The following BRSK2 variants were observed in gnomAD, a reference collection of about 807,000 sequenced individuals.
BRSK2 encodes the protein serine/threonine-protein kinase BRSK2.
In BRSK2, 19 loss-of-function variants were observed where a neutral mutation model predicts 83.3. The ratio of observed to expected loss-of-function variants is 0.23; its 90% confidence interval spans 0.16 to 0.33. The LOEUF (loss-of-function observed/expected upper bound fraction) is 0.33. Among genes scored for constraint, BRSK2 ranks in the 10% least tolerant of loss-of-function variants. BRSK2 has a pLI of 1.00. For missense variants in BRSK2, 798 were observed against 1,042.3 expected, an observed-to-expected ratio of 0.77 and a Z score of 3.23; for synonymous variants, 519 against 435.4, an observed-to-expected ratio of 1.19 and a Z score of -2.39.
intron 1 of BRSK2, among the ~76,000 whole-genome samples, chr11:1,416,850 A>C (rs1373973699): frequency 6.6e-6 from 1 of 152,058 alleles, no homozygotes; most frequent in African/African-American, 2.4e-5. Flanking sequence ...GAAATTCTTC[A>C]TTGTTCTCTC....
chr11:1,442,633 G>T, intron 5 of BRSK2, 27 bp downstream of exon 5: 1 of 1,565,748 alleles, frequency 6.4e-7, no homozygotes, highest in Non-Finnish European at 8.8e-7. Flanking sequence ...CCTGGAGAGA[G>T]GCTGGGGGAC....
chr11:1,451,183 TG>T (rs952403857), intron 14 of BRSK2, among the ~76,000 whole-genome samples, 187 bp from the exon 15 acceptor site: 1 of 152,058 alleles, frequency 6.6e-6, no homozygotes, highest in Non-Finnish European at 1.5e-5. Context: ...CCCCTTAGCC[TG>T]GGGGGCGCCA....
At chr11:1,456,053 C>G (rs1846488514) in intron 16 of BRSK2, among the ~76,000 whole-genome samples, 1 of 152,206 alleles carries the variant, frequency 6.6e-6, no homozygotes, top group Non-Finnish European at 1.5e-5. Context: ...CATCTTTGCC[C>G]TTAAGGCTCC....
At position 1,445,275 on chromosome 11, in the gene BRSK2, G is replaced by A. The variant is rs1271653405; in HGVS notation, c.813-19G>A. ...CCCGGCCGGAGCTGATGAGCGGGTG[G>A]CCCGTCCTGTGTCCACAGAGGGGGC... On this transcript the variant is annotated intron_variant, in intron 9 of 19. Transcript: ENST00000528841. 2 of 1,595,974 alleles carry A rather than the reference G, an allele frequency of 1.3e-6. No individual in the cohort carries two copies. The highest frequency in any genetic ancestry group is 1.7e-5 in the Admixed American group (1 of 58,026).
intron 2 of BRSK2, among the ~76,000 whole-genome samples, chr11:1,436,518 C>G (rs368602132): frequency 2.7e-4 from 41 of 152,202 alleles, no homozygotes; most frequent in African/African-American, 9.4e-4. Context: ...CAGAGGGGAG[C>G]TGCACCTTCC....
intron 1 of BRSK2, among the ~76,000 whole-genome samples, chr11:1,418,358 T>A (rs1023959756): frequency 1.3e-5 from 2 of 150,108 alleles, no homozygotes; most frequent in Non-Finnish European, 3.0e-5. Context: ...TTCTGTTGTC[T>A]GTTTCTTCTC....
intron 1 of BRSK2, among the ~76,000 whole-genome samples, chr11:1,407,886 C>T (rs928351526): frequency 6.6e-5 from 10 of 152,188 alleles, no homozygotes; most frequent in African/African-American, 2.2e-4. Flanking sequence ...CCCAGTGTGC[C>T]CTCAGATCCA....
In BRSK2 at chr11:1,423,273, A is replaced by G. The variant is rs1032972273; in HGVS notation, c.92-12767A>G. 6.6e-6 allele frequency among the ~76,000 whole-genome samples: 1 copy of G among 151,228 alleles called. No individual in the cohort carries two copies. On this transcript the variant is annotated intron_variant, in intron 1 of 19. Coordinates refer to ENST00000528841, the MANE Select transcript of BRSK2 (RefSeq NM_001256627.2). This position sits in a 1 kb window ranked among gnomAD's most constrained non-coding sequence, Gnocchi z 6.5. ...GGCTTCAGAAACGGCAGAACCAGGG[A>G]CCCTCCCCACTGTCCTGTCCTTAGC...
At chr11:1,459,901 C>A (rs116913469) in intron 19 of BRSK2, among the ~76,000 whole-genome samples, 1 of 152,164 alleles carries the variant, frequency 6.6e-6, no homozygotes, top group African/African-American at 2.4e-5. Context: ...GGCCAGGGGT[C>A]GGGCTTCAGG....
intron 1 of BRSK2, among the ~76,000 whole-genome samples, chr11:1,429,350 G>A (rs903970230): frequency 2.0e-5 from 3 of 146,976 alleles, no homozygotes; most frequent in African/African-American, 7.8e-5. Flanking sequence ...GGGTGCATGT[G>A]CACTCGGTGT....
At chr11:1,422,249 C>A (rs745426272) in intron 1 of BRSK2, among the ~76,000 whole-genome samples, 2 of 152,146 alleles carry the variant, frequency 1.3e-5, no homozygotes, top group Non-Finnish European at 2.9e-5. Context: ...CAGCTCACAG[C>A]CCCCAGCCCC....
rs1266246121 is a variant in BRSK2 at position 1,460,862 on chromosome 11, G to A, written c.*139G>A. The A allele has an allele frequency of 1.3e-6, 2 of 1,566,652 alleles. No homozygotes were observed. Among genetic ancestry groups the A allele is most frequent in the Non-Finnish European group, 1.7e-6 (2 of 1,158,236 alleles). ...CAGAGCCTGGGAGGAAAGGAAAGGG[G>A]CGTTGGGGCCGGCCTGTGGGCTGCG... On this transcript the variant is annotated 3_prime_UTR_variant, in exon 20 of 20. Transcript: ENST00000528841.
intron 1 of BRSK2, among the ~76,000 whole-genome samples, chr11:1,428,445 A>G (rs984601303): frequency 6.6e-6 from 1 of 152,186 alleles, no homozygotes; most frequent in African/African-American, 2.4e-5. Context: ...TCTGAGCCAC[A>G]TGTGCTGGCA....
At chr11:1,405,928 C>T (rs1476962591) in intron 1 of BRSK2, among the ~76,000 whole-genome samples, 3 of 152,088 alleles carry the variant, frequency 2.0e-5, no homozygotes, top group Non-Finnish European at 4.4e-5. Context: ...CCACGTCAGA[C>T]GCTGGTCTGC....
Position 1,462,089 on chromosome 11 carries a change from T to C in BRSK2, c.*1366T>C, listed in dbSNP as rs565260841. ...CAGGGGCACTGTGAGGCTTTTCTTA[T>C]TAAAATGAAAAAATTGAAAAAAAAG... is the stretch of plus-strand genomic sequence containing the variant. On this transcript the variant is annotated 3_prime_UTR_variant, in exon 20 of 20. Coordinates refer to ENST00000528841, the MANE Select transcript of BRSK2 (RefSeq NM_001256627.2). 15 of 152,254 alleles carry C rather than the reference T, an allele frequency of 9.9e-5. No individual in the cohort carries two copies. Among genetic ancestry groups the C allele is most frequent in the African/African-American group, 3.1e-4 (13 of 41,548 alleles). The allele number at this position is 152,254 out of a possible 1,614,324, so 9.4% of individuals were successfully genotyped here. A position where few individuals can be genotyped will look rare whatever the true frequency, so the allele number is the denominator to read the frequency against.
In BRSK2 at chr11:1,456,591, C is replaced by A. The variant is rs1476729432; in HGVS notation, c.1850-7C>A. On this transcript the variant is annotated splice_region_variant and splice_polypyrimidine_tract_variant and intron_variant, in intron 17 of 19. Coordinates refer to ENST00000528841, the MANE Select transcript of BRSK2 (RefSeq NM_001256627.2). ...CCGTCCAGGGCATAACCCCCTGTCT[C>A]CCCTAGGCCCCAGCCGTCGCTTCAA... 1.9e-6 allele frequency: 3 copies of A among 1,609,676 alleles called. No homozygotes were observed. The highest frequency in any genetic ancestry group is 2.5e-6 in the Non-Finnish European group (3 of 1,178,804).
rs1185293325 is a variant in BRSK2, at chr11:1,456,384, A to T, written c.1705A>T (p.Ser569Cys). The T allele has an allele frequency of 6.3e-7, 1 of 1,594,040 alleles. No individual in the cohort carries two copies. The highest frequency in any genetic ancestry group is 8.5e-7 in the Non-Finnish European group (1 of 1,171,120). The change falls in exon 17 of 20, where the codon AGC becomes TGC. Residue 569 changes from serine (S) to cysteine (C), a missense_variant. Coordinates refer to ENST00000528841, the MANE Select transcript of BRSK2 (RefSeq NM_001256627.2). ...CAGCCACAGCGTCATCTCCCAAACG[A>T]GCTTCCGGGCCGAGTACAAGGCCAC... Reference protein sequence around the residue: ...SLSHSVISQTSFRAEYKATGG... With the variant: ...SLSHSVISQTCFRAEYKATGG...
At chr11:1,448,628 G>T (rs1043623560) in intron 12 of BRSK2, among the ~76,000 whole-genome samples, 2 of 152,204 alleles carry the variant, frequency 1.3e-5, no homozygotes, top group South Asian at 4.1e-4. Context: ...CAGGTCCAGG[G>T]CCTCACTGGT....
At chr11:1,411,766 G>C in intron 1 of BRSK2, 1 of 1,318,712 alleles carries the variant, frequency 7.6e-7, no homozygotes, top group Non-Finnish European at 1.0e-6. Context: ...GGGAGGGCCA[G>C]CTGTGCGGGT....
Sources: allele counts gnomAD v4.1 joint callset (sites outside exome capture counted in the v4.1 genomes callset), GRCh38; gene constraint gnomAD v4.1.1; non-coding constraint Gnocchi (gnomAD v3.1); transcripts MANE v1.5; gene names NCBI Gene and HGNC (gene_info 2026-07-23, HGNC 2026-07-21).